Variants in CADPS observed in about 807,000 individuals in gnomAD.
The protein encoded by CADPS is calcium-dependent secretion activator 1.
CADPS carries 57 observed loss-of-function variants against 167.3 expected under a neutral mutation model. The ratio of observed to expected loss-of-function variants is 0.34; its 90% confidence interval spans 0.28 to 0.42. The LOEUF is 0.42. Among genes scored for constraint, CADPS ranks in the 20% least tolerant of loss-of-function variants. The pLI is 1.00. For missense variants in CADPS, 1,414 were observed against 1,738.1 expected, an observed-to-expected ratio of 0.81 and a Z score of 3.32; for synonymous variants, 676 against 635.3, an observed-to-expected ratio of 1.06 and a Z score of -0.96.
At chr3:62,409,790 C>T (rs1264263679) in intron 28 of CADPS, among the ~76,000 whole-genome samples, 3 of 152,128 alleles carry the variant, frequency 2.0e-5, no homozygotes, top group Non-Finnish European at 4.4e-5. Flanking sequence ...ATATCATAGG[C>T]TTTACAATTT....
At chr3:62,463,765 G>C (rs1486732680) in intron 26 of CADPS, among the ~76,000 whole-genome samples, 2 of 152,190 alleles carry the variant, frequency 1.3e-5, no homozygotes, top group East Asian at 3.9e-4. Flanking sequence ...TTATAGGAAT[G>C]TTCCATAAGT....
chr3:62,491,798 ACTTCCCTT>A (rs573757956), intron 20 of CADPS, among the ~76,000 whole-genome samples: 1,535 of 152,136 alleles, frequency 0.01, 22 homozygotes, highest in Middle Eastern at 0.054. Flanking sequence ...TCTTGCACCC[ACTTCCCTT>A]CTTCCCATTA....
intron 1 of CADPS, among the ~76,000 whole-genome samples, chr3:62,831,071 C>A (rs1171985077): frequency 6.6e-6 from 1 of 152,132 alleles, no homozygotes; most frequent in African/African-American, 2.4e-5. Flanking sequence ...TAATAAATCA[C>A]CACCACTTTA....
At chr3:62,612,516 C>T (rs1204837104) in intron 6 of CADPS, among the ~76,000 whole-genome samples, 1 of 152,180 alleles carries the variant, frequency 6.6e-6, no homozygotes, top group African/African-American at 2.4e-5. Context: ...AGGCTAGTTC[C>T]AGGGTCTCAC....
intron 26 of CADPS, among the ~76,000 whole-genome samples, chr3:62,459,650 C>T (rs1327816799): frequency 6.6e-6 from 1 of 152,242 alleles, no homozygotes; most frequent in East Asian, 1.9e-4. Flanking sequence ...CATAGTTACA[C>T]TGCACTGGCT....
intron 6 of CADPS, among the ~76,000 whole-genome samples, chr3:62,608,530 C>T (rs1222793386): frequency 2.0e-5 from 3 of 152,042 alleles, no homozygotes; most frequent in African/African-American, 7.2e-5. Context: ...TCACCCACCT[C>T]GGCCTCCCAA....
chr3:62,646,024 G>C (rs1170058622), intron 5 of CADPS, among the ~76,000 whole-genome samples, 181 bp from the exon 6 acceptor site: 1 of 152,200 alleles, frequency 6.6e-6, no homozygotes, highest in Non-Finnish European at 1.5e-5. Context: ...TCATAGTGTA[G>C]CTGATTGCCT....
chr3:62,417,826 G>C (rs1295666318), intron 28 of CADPS, among the ~76,000 whole-genome samples: 1 of 148,434 alleles, frequency 6.7e-6, no homozygotes, highest in Admixed American at 6.8e-5. Context: ...AAGTGAAACT[G>C]TCTCTAAAAC....
At chr3:62,570,459 A>G (rs2081079663) in intron 9 of CADPS, among the ~76,000 whole-genome samples, 1 of 152,130 alleles carries the variant, frequency 6.6e-6, no homozygotes, top group Non-Finnish European at 1.5e-5. Context: ...TTTTCAAAAT[A>G]CTACATTGTT....
chr3:62,778,916 T>G (rs1157375607), intron 1 of CADPS, among the ~76,000 whole-genome samples: 1 of 152,112 alleles, frequency 6.6e-6, no homozygotes, highest in African/African-American at 2.4e-5. Flanking sequence ...ACTTTTTTTT[T>G]TTTTAAGATG....
chr3:62,621,807 T>C (rs1016275707), intron 6 of CADPS, among the ~76,000 whole-genome samples: 2 of 152,136 alleles, frequency 1.3e-5, no homozygotes, highest in Admixed American at 6.6e-5. Context: ...GTTCCCATCA[T>C]TTAGCTCCCA....
chr3:62,690,059 C>T (rs562167255), intron 3 of CADPS, among the ~76,000 whole-genome samples: 9 of 151,816 alleles, frequency 5.9e-5, no homozygotes, highest in South Asian at 4.2e-4. Flanking sequence ...GCTACCATGT[C>T]AACCATGTTT....
intron 1 of CADPS, among the ~76,000 whole-genome samples, chr3:62,799,606 C>T (rs1249937884): frequency 6.6e-6 from 1 of 152,140 alleles, no homozygotes; most frequent in African/African-American, 2.4e-5. Context: ...CAAGTGTTGG[C>T]TCTTCCAGTT....
intron 6 of CADPS, among the ~76,000 whole-genome samples, chr3:62,614,696 T>TATACATATGTATACACATATAC (rs1562921007): frequency 6.6e-6 from 1 of 151,882 alleles, no homozygotes; most frequent in Non-Finnish European, 1.5e-5. Flanking sequence ...TATATGCATA[T>TATACATATGTATACACATATAC]AATGTGTACA....
At chr3:62,605,263 A>AC (rs2060545222) in intron 6 of CADPS, among the ~76,000 whole-genome samples, 2 of 152,078 alleles carry the variant, frequency 1.3e-5, no homozygotes, top group East Asian at 3.8e-4. Flanking sequence ...AAAAAAAAAA[A>AC]CTGGGAGAGA....
chr3:62,712,807 G>C (rs1211975321), intron 3 of CADPS, among the ~76,000 whole-genome samples: 1 of 152,164 alleles, frequency 6.6e-6, no homozygotes, highest in Non-Finnish European at 1.5e-5. Context: ...GGATTTCCCT[G>C]AGACTTTGAC....
At chr3:62,696,138 C>T (rs994611766) in intron 3 of CADPS, among the ~76,000 whole-genome samples, 6 of 152,078 alleles carry the variant, frequency 3.9e-5, no homozygotes, top group Admixed American at 6.6e-5. Flanking sequence ...GTTACTCTCC[C>T]TCAGCTACAA....
In CADPS at chr3:62,528,185, T is replaced by C. The variant is rs2072776361; in HGVS notation, c.2291+4686A>G. ...TTTGCCATCTCACACCATATACAAG[T>C]GCTAATCTTGGACAGGTAGGAAGGT... On this transcript the variant is annotated intron_variant, in intron 13 of 29. Coordinates refer to ENST00000383710, the MANE Select transcript of CADPS (RefSeq NM_003716.4). Among the ~76,000 whole-genome samples, 3 of 152,136 alleles carry C rather than the reference T, an allele frequency of 2.0e-5. No individual in the cohort carries two copies. The South Asian group carries it at 6.2e-4, about 32-fold the overall frequency.
intron 1 of CADPS, among the ~76,000 whole-genome samples, chr3:62,780,861 T>C (rs2091433324): frequency 2.0e-5 from 3 of 152,214 alleles, no homozygotes; most frequent in Admixed American, 6.5e-5. Context: ...GCTCATTAGA[T>C]ATTTATATGA....
Sources: allele counts gnomAD v4.1 joint callset (sites outside exome capture counted in the v4.1 genomes callset), GRCh38; gene constraint gnomAD v4.1.1; transcripts MANE v1.5; gene names NCBI Gene and HGNC (gene_info 2026-07-23, HGNC 2026-07-21).